Variants in CUX1 observed in about 807,000 individuals in gnomAD.
CUX1 encodes the protein protein CASP.
Under a neutral mutation model 158.8 loss-of-function variants are expected in CUX1, and 31 were observed. The ratio of observed to expected loss-of-function variants is 0.20; its 90% CI spans 0.15 to 0.26. CUX1 has a LOEUF of 0.26. Among genes scored for constraint, CUX1 ranks in the 10% least tolerant of loss-of-function variants. The pLI, the probability that CUX1 is intolerant of heterozygous loss-of-function variation, is 1.00. For missense variants in CUX1, 1,589 were observed against 2,014.6 expected (o/e 0.79, Z 4.04); for synonymous variants, 879 against 862.1 (o/e 1.02, Z -0.34).
At chr7:101,937,249 C>T (rs986254232) in intron 2 of CUX1, among the ~76,000 whole-genome samples, 1 of 152,200 alleles carries the variant, frequency 6.6e-6, no homozygotes, top group Non-Finnish European at 1.5e-5. Context: ...CTGTGAAAGA[C>T]ATTAGCTCCT....
chr7:102,191,785 T>G (rs984107773), intron 12 of CUX1, among the ~76,000 whole-genome samples: 48 of 151,688 alleles, frequency 3.2e-4, no homozygotes, highest in African/African-American at 1.1e-3. Flanking sequence ...CTCTTCTTCT[T>G]CCTCTTGCTC....
chr7:102,265,852 G>C (rs1222568873), intron 14 of CUX1, among the ~76,000 whole-genome samples: 1 of 151,934 alleles, frequency 6.6e-6, no homozygotes, highest in African/African-American at 2.4e-5. Flanking sequence ...ACTCGGACTA[G>C]GTGGCAGCAG....
At chr7:101,882,798 T>C (rs1015910943) in intron 1 of CUX1, among the ~76,000 whole-genome samples, 4 of 152,190 alleles carry the variant, frequency 2.6e-5, no homozygotes, top group Non-Finnish European at 5.9e-5. Flanking sequence ...TCTTCCTTTC[T>C]TGGTGACCGG....
chr7:102,219,565 C>T (rs1489054125), intron 20 of CUX1, among the ~76,000 whole-genome samples: 1 of 152,202 alleles, frequency 6.6e-6, no homozygotes, highest in African/African-American at 2.4e-5. Context: ...TTCGCGTCGG[C>T]CCCCCGCTGG....
At chr7:102,076,513 T>C (rs940057431) in intron 4 of CUX1, among the ~76,000 whole-genome samples, 1 of 152,214 alleles carries the variant, frequency 6.6e-6, no homozygotes, top group African/African-American at 2.4e-5. Flanking sequence ...GTTCTTTTCA[T>C]TTGCCACCAG....
intron 8 of CUX1, among the ~76,000 whole-genome samples, chr7:102,120,414 GTTAGTC>G (rs571808702): frequency 9.6e-4 from 146 of 152,262 alleles, no homozygotes; most frequent in African/African-American, 3.4e-3. Context: ...TATAGCTAAT[GTTAGTC>G]TTAGGAGAAT....
Position 102,054,142 on chromosome 7 carries a change from C to T in CUX1, c.190-16197C>T, listed in dbSNP as rs142570932. On this transcript the variant is annotated intron_variant, in intron 3 of 23. Transcript: ENST00000292535. The stretch of plus-strand genomic sequence containing the variant: ...AGTTTCTTGGTAGCGTCTTTAGAAG[C>T]GCAGAAGTTTTATATTTGATGAAAT... Among the ~76,000 whole-genome samples the T allele has an allele frequency of 5.3e-5, 8 of 152,184 alleles. No homozygotes were observed. In the East Asian group the frequency reaches 5.8e-4, roughly 11 times the overall value.
At chr7:102,242,480 G>T (rs1800333007) in intron 23 of CUX1, among the ~76,000 whole-genome samples, 1 of 152,032 alleles carries the variant, frequency 6.6e-6, no homozygotes, top group South Asian at 2.1e-4. Context: ...CAAAGTTCTG[G>T]GATTACAGGC....
chr7:101,916,130 A>G lies in CUX1; in HGVS notation c.46A>G (p.Thr16Ala), dbSNP rs1804170258. The G allele has an allele frequency of 6.2e-7, 1 of 1,613,348 alleles. No homozygotes were observed. The highest frequency in any genetic ancestry group is 8.5e-7 in the Non-Finnish European group (1 of 1,179,456). Residue 16 changes from threonine (T) to alanine (A), a missense_variant, in exon 2 of 24, where the codon ACC becomes GCC. Thr to Ala is a moderately conservative substitution (Grantham distance 58, BLOSUM62 0). Coordinates refer to ENST00000292535, the MANE Select transcript of CUX1 (RefSeq NM_181552.4). This position sits in a 1 kb window ranked among gnomAD's most constrained non-coding sequence, Gnocchi z 4.4. The stretch of plus-strand genomic sequence containing the variant: ...TCCCCAACAGAGAGAACTCGATGCC[A>G]CCGCAACGGTATTGGCGAACCGGCA... The part of the protein sequence containing the change: ...GARLKRELDA[T>A]ATVLANRQDE...
rs1249727828 is a variant in CUX1, at chr7:101,991,309, G to A, written c.142-36789G>A. ...TGAGTTCTGGGACACCAGCTAAAATGTGGGCAAGAGAAGCCAGGGCGCGTA... is the reference window on the plus strand; with the variant it reads ...TGAGTTCTGGGACACCAGCTAAAATATGGGCAAGAGAAGCCAGGGCGCGTA... On this transcript the variant is annotated intron_variant, in intron 2 of 23. Transcript: ENST00000292535. Among the ~76,000 whole-genome samples the A allele has an allele frequency of 3.9e-5, 6 of 152,242 alleles. No homozygotes were observed. In the East Asian group the frequency reaches 1.2e-3, roughly 29 times the overall value.
Position 102,130,821 on chromosome 7 carries a change from G to A in CUX1, c.674+15548G>A, listed in dbSNP as rs988329736. On this transcript the variant is annotated intron_variant, in intron 8 of 23. Coordinates refer to ENST00000292535, the MANE Select transcript of CUX1 (RefSeq NM_181552.4). The stretch of plus-strand genomic sequence containing the variant: ...TTCTAAGTTGGACGATGTGTGCTTC[G>A]AAGCATTTCTGTGATCTTCCCACCC... Among the ~76,000 whole-genome samples the A allele has an allele frequency of 3.9e-5, 6 of 151,912 alleles. 1 individual carries two copies. Among genetic ancestry groups the A allele is most frequent in the Non-Finnish European group, 7.4e-5 (5 of 67,982 alleles).
chr7:102,007,831 G>A (rs925684416), intron 2 of CUX1, among the ~76,000 whole-genome samples: 10 of 151,298 alleles, frequency 6.6e-5, no homozygotes, highest in African/African-American at 1.7e-4. Context: ...TGCAACCTCC[G>A]CCTCCTGGGT....
At chr7:102,070,447 G>A (rs375830413) in intron 4 of CUX1, 30 bp downstream of exon 4, 44 of 1,560,716 alleles carry the variant, frequency 2.8e-5, no homozygotes, top group Non-Finnish European at 3.7e-5. Flanking sequence ...GCCCACCAGT[G>A]GGGGGCGTTG....
intron 2 of CUX1, among the ~76,000 whole-genome samples, chr7:101,984,146 A>G (rs1266952512): frequency 5.4e-5 from 4 of 74,622 alleles, no homozygotes; most frequent in Non-Finnish European, 9.4e-5. Flanking sequence ...ACACATATAT[A>G]TATGTGTGTG....
At chr7:101,901,668 C>T (rs1328908311) in intron 1 of CUX1, among the ~76,000 whole-genome samples, 1 of 152,148 alleles carries the variant, frequency 6.6e-6, no homozygotes. Context: ...TTCCCAGGGA[C>T]CCCCCAAAGC....
chr7:102,198,904 ACCTAGGGAAGCAGCATGT>A, intron 16 of CUX1, 37 bp downstream of exon 16: 1 of 1,581,310 alleles, frequency 6.3e-7, no homozygotes, highest in South Asian at 1.1e-5. Context: ...GCAGTCAGTC[ACCTAGGGAAGCAGCATGT>A]CCTTAGCTGT....
In CUX1 at chr7:102,115,222, G is replaced by T; in HGVS notation, c.623G>T (p.Arg208Leu). The part of the protein sequence containing the change: ...QSLQTALEKT[R>L]TELFDLKTKY... ...TGCCTTTCAGCCCTGGAAAAAACTC[G>T]AACAGAATTATTTGACCTGAAAACC... is the stretch of plus-strand genomic sequence containing the variant. The change falls in exon 8 of 24, where the codon CGA becomes CTA. Residue 208 changes from arginine to leucine, a missense_variant. Physicochemically the swap from Arg to Leu is moderately radical, Grantham distance 102. Transcript: ENST00000292535. The T allele has an allele frequency of 6.2e-7, 1 of 1,608,026 alleles. No homozygotes were observed. The highest frequency in any genetic ancestry group is 8.5e-7 in the Non-Finnish European group (1 of 1,178,664).
Position 102,167,648 on chromosome 7 carries a change from A to G in CUX1, c.724-2798A>G, listed in dbSNP as rs116547503. ...GCAGAGTCTTAGATATTTTCTGCCC[A>G]AGAGTTGAACTGACCAGCAAGGGAG... On this transcript the variant is annotated intron_variant, in intron 9 of 23. Transcript: ENST00000292535. Among the ~76,000 whole-genome samples, 1,238 of 152,368 alleles carry G rather than the reference A, an allele frequency of 8.1e-3. 19 individuals carry two copies. The highest frequency in any genetic ancestry group is 0.028 in the African/African-American group (1,154 of 41,592).
At chr7:102,131,658 A>T (rs1165515652) in intron 8 of CUX1, among the ~76,000 whole-genome samples, 2 of 150,144 alleles carry the variant, frequency 1.3e-5, no homozygotes, top group African/African-American at 4.9e-5. Flanking sequence ...ATTTTTATTT[A>T]TTTTTTATTT....
Sources: gnomAD v4.1 joint callset for allele counts (sites outside exome capture counted in the v4.1 genomes callset) on GRCh38, gnomAD v4.1.1 for gene constraint, Gnocchi (gnomAD v3.1) non-coding constraint, MANE v1.5 for transcripts, NCBI Gene and HGNC (gene_info 2026-07-23, HGNC 2026-07-21) for gene names.